MITF: variants seen among roughly 807,000 people sequenced by gnomAD.
MITF encodes melanocyte inducing transcription factor.
A neutral mutation model predicts 60.5 loss-of-function variants in MITF; 17 were observed. That is an observed-to-expected ratio of 0.28 (90% CI 0.19 to 0.42). MITF has a LOEUF of 0.42. Among genes scored for constraint, MITF ranks in the 10% least tolerant of loss-of-function variants. The pLI, the probability that MITF is intolerant of heterozygous loss-of-function variation, is 1.00. For synonymous variants in MITF, 260 were observed against 248.5 expected, an observed-to-expected ratio of 1.05 and a Z score of -0.43; for missense variants, 622 against 683.5, an observed-to-expected ratio of 0.91 and a Z score of 1.00.
chr3:69,908,173 A>G (rs1035279914), intron 2 of MITF, among the ~76,000 whole-genome samples: 10 of 152,210 alleles, frequency 6.6e-5, no homozygotes, highest in South Asian at 4.1e-4. Context: ...GGGCCACCCA[A>G]TTAACTCTAG....
intron 1 of MITF, among the ~76,000 whole-genome samples, chr3:69,811,952 A>G (rs1489835905): frequency 6.6e-6 from 1 of 152,106 alleles, no homozygotes; most frequent in Non-Finnish European, 1.5e-5. Context: ...TCAGGGCCCC[A>G]CCTGTATTTA....
In MITF at chr3:69,910,602, A is replaced by G. The variant is rs545853189; in HGVS notation, c.355-27220A>G. 3.3e-5 allele frequency among the ~76,000 whole-genome samples: 5 copies of G among 152,274 alleles called. 1 individual carries two copies. In the South Asian group the frequency reaches 1.0e-3, roughly 32 times the overall value. ...GAGCTGCCCAAGACCATAGGAACCC[A>G]CCTTTTGCATCAGCATGACCTGGAC... On this transcript the variant is annotated intron_variant, in intron 2 of 9. Transcript: ENST00000352241.
chr3:69,931,324 T>C (rs2065717878), intron 2 of MITF, among the ~76,000 whole-genome samples: 1 of 152,196 alleles, frequency 6.6e-6, no homozygotes, highest in Admixed American at 6.5e-5. Context: ...CCACATGTTC[T>C]TTTTATTATC....
chr3:69,938,365 G>A, intron 3 of MITF: 2 of 1,569,496 alleles, frequency 1.3e-6, no homozygotes, highest in Non-Finnish European at 8.6e-7. Context: ...ATGAAGCAGT[G>A]AGAATGCAGA....
intron 1 of MITF, among the ~76,000 whole-genome samples, chr3:69,843,231 C>G (rs537414040): frequency 6.9e-6 from 1 of 145,052 alleles, no homozygotes; most frequent in Non-Finnish European, 1.5e-5. Flanking sequence ...TACCCAACAA[C>G]GAGGGAAGAA....
chr3:69,802,181 GGT>G, intron 1 of MITF, among the ~76,000 whole-genome samples: 1 of 152,184 alleles, frequency 6.6e-6, no homozygotes, highest in Middle Eastern at 3.4e-3. Context: ...AGCTGTTTTT[GGT>G]GGTCCCAACT....
chr3:69,946,483 C>T (rs1214358407), intron 5 of MITF, among the ~76,000 whole-genome samples: 1 of 152,144 alleles, frequency 6.6e-6, no homozygotes, highest in Non-Finnish European at 1.5e-5. Flanking sequence ...GAGCCTCCGA[C>T]CAAAAACCTC....
chr3:69,761,382 G>C (rs1473379975), intron 1 of MITF, among the ~76,000 whole-genome samples: 1 of 152,130 alleles, frequency 6.6e-6, no homozygotes, highest in Non-Finnish European at 1.5e-5. Flanking sequence ...TCTGTTTTCT[G>C]TCACTTGTCT....
chr3:69,853,589 AT>A (rs1316033187), intron 1 of MITF, among the ~76,000 whole-genome samples: 1 of 152,160 alleles, frequency 6.6e-6, no homozygotes, highest in Non-Finnish European at 1.5e-5. Flanking sequence ...TCTTTGAGGC[AT>A]TCTCCTCTTT....
chr3:69,821,506 G>A (rs2063271158), intron 1 of MITF, among the ~76,000 whole-genome samples: 1 of 151,812 alleles, frequency 6.6e-6, no homozygotes, highest in Non-Finnish European at 1.5e-5. Flanking sequence ...GATTCAAGTT[G>A]GCTTCTCTGT....
Position 69,739,626 on chromosome 3 carries a change from A to G in MITF, c.29A>G (p.Asp10Gly). ...CAGTCCGAATCGGGGATCGTGCCGGATTTCGAAGTCGGGGAGGAGTTTCAT... is the reference window on the plus strand; with the variant it reads ...CAGTCCGAATCGGGGATCGTGCCGGGTTTCGAAGTCGGGGAGGAGTTTCAT... MQSESGIVP[D>G]FEVGEEFHEE... is the part of the protein sequence containing the mutation. Residue 10 changes from aspartate (D) to glycine (G), a missense_variant, in exon 1 of 10, where the codon GAT becomes GGT. Physicochemically the swap from Asp to Gly is moderately conservative, Grantham distance 94. Coordinates refer to ENST00000352241, the MANE Select transcript of MITF (RefSeq NM_001354604.2). 1 of 1,582,244 alleles carries G rather than the reference A, an allele frequency of 6.3e-7. No individual in the cohort carries two copies. The highest frequency in any genetic ancestry group is 8.6e-7 in the Non-Finnish European group (1 of 1,162,428).
In MITF at chr3:69,879,327, G is replaced by A. The variant is rs1456443366; in HGVS notation, c.298G>A (p.Val100Ile). The change falls in exon 2 of 10, where the codon GTC becomes ATC. Residue 100 changes from valine to isoleucine, a missense_variant. Physicochemically the swap from Val to Ile is conservative, Grantham distance 29. This residue lies in a region of MITF where 149 missense variants were observed against 157.8 expected (regional missense o/e 0.94). Coordinates refer to ENST00000352241, the MANE Select transcript of MITF (RefSeq NM_001354604.2). ...VPVSQTPAIN[V>I]SVPTTLPSAT... ...CGTGAGTCAGACACCAGCCATAAAC[G>A]TCAGTGTGCCCACCACCCTTCCCTC... is the stretch of plus-strand genomic sequence containing the variant. 3 of 1,614,072 alleles carry A rather than the reference G, an allele frequency of 1.9e-6. No homozygotes were observed. The highest frequency in any genetic ancestry group is 2.2e-5 in the East Asian group (1 of 44,892).
chr3:69,836,344 C>G (rs1449687044), intron 1 of MITF, among the ~76,000 whole-genome samples: 1 of 152,092 alleles, frequency 6.6e-6, no homozygotes, highest in Non-Finnish European at 1.5e-5. Flanking sequence ...CATTATTGAG[C>G]AAATAATATC....
chr3:69,745,896 G>A (rs528791962), intron 1 of MITF, among the ~76,000 whole-genome samples: 1 of 152,302 alleles, frequency 6.6e-6, no homozygotes, highest in Non-Finnish European at 1.5e-5. Context: ...GTATAAATGT[G>A]TTTAACATAG....
chr3:69,757,997 ATG>A (rs60250386), intron 1 of MITF, among the ~76,000 whole-genome samples: 34,402 of 115,272 alleles, frequency 0.3, 5,261 homozygotes, highest in Non-Finnish European at 0.38. Flanking sequence ...ACCCTAGGGC[ATG>A]TGTGTGTGTG....
chr3:69,796,153 G>T (rs1003858555), intron 1 of MITF, among the ~76,000 whole-genome samples: 1 of 152,038 alleles, frequency 6.6e-6, no homozygotes. Context: ...GCTAATTTTT[G>T]TATTTTTAGT....
At chr3:69,766,406 T>TA (rs2062294972) in intron 1 of MITF, among the ~76,000 whole-genome samples, 1 of 131,734 alleles carries the variant, frequency 7.6e-6, no homozygotes, top group African/African-American at 2.8e-5. Context: ...TTTTTTTTTT[T>TA]AGTAGAGATG....
chr3:69,828,081 T>C (rs556165297), intron 1 of MITF, among the ~76,000 whole-genome samples: 5 of 151,206 alleles, frequency 3.3e-5, no homozygotes, highest in African/African-American at 1.2e-4. Flanking sequence ...GTATGATTAC[T>C]GGCATGGGTG....
At chr3:69,929,791 A>G (rs1468757468) in intron 2 of MITF, among the ~76,000 whole-genome samples, 1 of 152,104 alleles carries the variant, frequency 6.6e-6, no homozygotes, top group Non-Finnish European at 1.5e-5. Context: ...GCTTTCCATC[A>G]TCTAAGTTTG....
Sources: allele counts gnomAD v4.1 joint callset (sites outside exome capture counted in the v4.1 genomes callset), GRCh38; gene constraint gnomAD v4.1.1; regional missense constraint gnomAD v4.1.1; transcripts MANE v1.5; gene names NCBI Gene and HGNC (gene_info 2026-07-23, HGNC 2026-07-21).